COLEC10: variants seen among roughly 807,000 people sequenced by gnomAD.
COLEC10 encodes the protein collectin-10.
In COLEC10, 22 loss-of-function variants were observed where a neutral mutation model predicts 28.4. The ratio of observed to expected loss-of-function variants is 0.78; its 90% confidence interval spans 0.55 to 1.11. The LOEUF is 1.11. Ranked by LOEUF, COLEC10 falls within the 50% of genes least tolerant of loss-of-function variation. The pLI is 0.00. For missense variants in COLEC10, 361 were observed against 344.1 expected, an observed-to-expected ratio of 1.05 and a Z score of -0.39; for synonymous variants, 125 against 116.1, an observed-to-expected ratio of 1.08 and a Z score of -0.49.
At chr8:119,062,567 C>T (rs1473782098), upstream of COLEC10, among the ~76,000 whole-genome samples, 1 of 151,888 alleles carries the variant, frequency 6.6e-6, no homozygotes, top group Non-Finnish European at 1.5e-5. Flanking sequence ...GCGACCTCCG[C>T]CCCCCGGGTT....
At chr8:118,990,802 T>C (rs2130036236), upstream of COLEC10, among the ~76,000 whole-genome samples, 1 of 152,146 alleles carries the variant, frequency 6.6e-6, no homozygotes, top group African/African-American at 2.4e-5. Flanking sequence ...GTATGATTTA[T>C]CTGTGGACCT....
intron 3 of COLEC10, among the ~76,000 whole-genome samples, chr8:119,095,951 G>A (rs1013506196): frequency 6.6e-6 from 1 of 152,124 alleles, no homozygotes; most frequent in East Asian, 1.9e-4. Context: ...TAAGGGAAGA[G>A]TCCAGAAACA....
intron 1 of COLEC10, among the ~76,000 whole-genome samples, chr8:119,086,494 CT>C (rs760280491): frequency 7.9e-5 from 12 of 152,202 alleles, no homozygotes; most frequent in Admixed American, 7.9e-4. Flanking sequence ...AAGGCTAGGG[CT>C]CAAGTTGTTT....
chr8:118,977,607 G>T, the COLEC10 span, among the ~76,000 whole-genome samples: 105 of 118,478 alleles, frequency 8.9e-4, no homozygotes, highest in African/African-American at 3.2e-3. Flanking sequence ...TTGTGGGGTG[G>T]GGGGAGGGGG....
At chr8:119,007,814 T>C (rs1029056792) in intron 1 of COLEC10, among the ~76,000 whole-genome samples, 3 of 150,942 alleles carry the variant, frequency 2.0e-5, no homozygotes, top group African/African-American at 7.4e-5. Context: ...GACAATTCAC[T>C]AATTATGTGC....
upstream of COLEC10, among the ~76,000 whole-genome samples, chr8:118,991,630 A>G (rs961666169): frequency 6.6e-6 from 1 of 152,104 alleles, no homozygotes; most frequent in African/African-American, 2.4e-5. Flanking sequence ...TCGTACCCTT[A>G]TCTTTTGCTT....
At chr8:119,002,038 C>A (rs1481125592) in intron 1 of COLEC10, among the ~76,000 whole-genome samples, 1 of 152,164 alleles carries the variant, frequency 6.6e-6, no homozygotes, top group Non-Finnish European at 1.5e-5. Context: ...CAAGGCTTAT[C>A]ATGAAATTGG....
chr8:119,048,649 G>A (rs1814625252), intron 2 of COLEC10, among the ~76,000 whole-genome samples: 1 of 152,016 alleles, frequency 6.6e-6, no homozygotes, highest in Non-Finnish European at 1.5e-5. Flanking sequence ...TCTGTTATAA[G>A]AATAGTGACT....
the COLEC10 span, among the ~76,000 whole-genome samples, chr8:118,979,813 C>A: frequency 6.6e-6 from 1 of 152,062 alleles, no homozygotes; most frequent in Admixed American, 6.6e-5. Context: ...TGTGAGGCTG[C>A]AGTCAAGCTG....
the COLEC10 span, among the ~76,000 whole-genome samples, chr8:118,963,776 G>A: frequency 1.3e-5 from 2 of 152,028 alleles, no homozygotes; most frequent in Admixed American, 6.6e-5. Flanking sequence ...AGAGGTTAGG[G>A]CTTTTGTCTG....
chr8:118,989,670 T>G, the COLEC10 span, among the ~76,000 whole-genome samples: 8 of 151,528 alleles, frequency 5.3e-5, no homozygotes, highest in African/African-American at 1.9e-4. Context: ...AATTTTAAGA[T>G]TATATCAATG....
the COLEC10 span, among the ~76,000 whole-genome samples, chr8:118,957,458 G>C: frequency 6.6e-6 from 1 of 152,132 alleles, no homozygotes; most frequent in Non-Finnish European, 1.5e-5. Flanking sequence ...AACACATGAG[G>C]TGGCCCAAGG....
At chr8:119,036,633 A>C (rs761507883) in intron 2 of COLEC10, among the ~76,000 whole-genome samples, 3 of 152,196 alleles carry the variant, frequency 2.0e-5, no homozygotes, top group Non-Finnish European at 4.4e-5. Context: ...AGAATAAGTA[A>C]ATTAAGGATA....
intron 2 of COLEC10, among the ~76,000 whole-genome samples, chr8:119,015,976 A>G (rs1468891419): frequency 6.6e-6 from 1 of 152,192 alleles, no homozygotes; most frequent in Non-Finnish European, 1.5e-5. Flanking sequence ...CAACCAACTT[A>G]TGACAATAGG....
At chr8:119,078,538 T>A (rs1815301227) in intron 1 of COLEC10, among the ~76,000 whole-genome samples, 1 of 151,938 alleles carries the variant, frequency 6.6e-6, no homozygotes, top group Non-Finnish European at 1.5e-5. Context: ...AGATTACGAG[T>A]TCTTAATTGT....
At chr8:119,072,826 C>T (rs1301949972) in intron 1 of COLEC10, among the ~76,000 whole-genome samples, 3 of 152,180 alleles carry the variant, frequency 2.0e-5, no homozygotes, top group African/African-American at 4.8e-5. Context: ...AGCACTCACC[C>T]CTATCCTCTG....
chr8:119,071,999 G>A (rs1393091436), intron 1 of COLEC10, among the ~76,000 whole-genome samples: 1 of 152,184 alleles, frequency 6.6e-6, no homozygotes, highest in East Asian at 1.9e-4. Context: ...CTCCCTGCCA[G>A]GGGCCACTGC....
the COLEC10 span, among the ~76,000 whole-genome samples, chr8:118,967,082 A>G: frequency 6.6e-6 from 1 of 152,108 alleles, no homozygotes; most frequent in East Asian, 1.9e-4. Flanking sequence ...ATTTATTAAG[A>G]CACAGGGAAA....
chr8:119,030,403 G>GC (rs140181792), intron 2 of COLEC10, among the ~76,000 whole-genome samples: 6,676 of 152,168 alleles, frequency 0.044, 214 homozygotes, highest in East Asian at 0.16. Flanking sequence ...GATGATTCAT[G>GC]CTGTAATCTC....
Sources: gnomAD v4.1 joint callset for allele counts (sites outside exome capture counted in the v4.1 genomes callset) on GRCh38, gnomAD v4.1.1 for gene constraint, MANE v1.5 for transcripts, NCBI Gene and HGNC (gene_info 2026-07-23, HGNC 2026-07-21) for gene names.